The following PRPF8 variants were observed in gnomAD, a reference collection of about 807,000 sequenced individuals.
The protein encoded by PRPF8 is pre-mRNA-processing-splicing factor 8.
Under a neutral mutation model 285.9 loss-of-function variants are expected in PRPF8, and 64 were observed. The observed-to-expected ratio is 0.22, with a 90% CI of 0.18 to 0.28. The LOEUF (loss-of-function observed/expected upper bound fraction) is 0.28. Among genes scored for constraint, PRPF8 ranks in the 10% least tolerant of loss-of-function variants. PRPF8 has a pLI of 1.00. For missense variants in PRPF8, 1,426 were observed against 3,026.7 expected (o/e 0.47, Z 12.41); for synonymous variants, 1,325 against 1,118.2 (o/e 1.18, Z -3.69).
rs746282854 is a variant in PRPF8, at chr17:1,673,608, G to A, written c.3447-41C>T. 5 of 1,613,184 alleles carry A rather than the reference G, an allele frequency of 3.1e-6. No individual in the cohort carries two copies. The East Asian group carries it at 6.7e-5, about 22-fold the overall frequency. On this transcript the variant is annotated intron_variant, in intron 22 of 42. Coordinates refer to ENST00000304992, the MANE Select transcript of PRPF8 (RefSeq NM_006445.4). This position sits in a 1 kb window ranked among gnomAD's most constrained non-coding sequence, Gnocchi z 5.5. Reference sequence around the variant, plus strand: ...ACATGGTCACAGCAGTTTCTTGGAAGGAACTTCCCTTCAAAGGCCAACTGA... The same window carrying A: ...ACATGGTCACAGCAGTTTCTTGGAAAGAACTTCCCTTCAAAGGCCAACTGA...
chr17:1,684,376 C>T, intron 2 of PRPF8, 96 bp downstream of exon 2: 1 of 1,229,244 alleles, frequency 8.1e-7, no homozygotes, highest in Non-Finnish European at 1.2e-6. Context: ...GCTGACACCT[C>T]AGGAGCTGCC....
At chr17:1,681,755 C>G in intron 5 of PRPF8, 65 bp from the exon 6 acceptor site, 1 of 1,609,484 alleles carries the variant, frequency 6.2e-7, no homozygotes, top group Non-Finnish European at 8.5e-7. Flanking sequence ...ACCTACTGAT[C>G]TCCCAGGACT....
intron 39 of PRPF8, chr17:1,652,895 A>G (rs1184567274): frequency 6.2e-6 from 1 of 162,386 alleles, no homozygotes; most frequent in African/African-American, 2.5e-5. Flanking sequence ...CGTTCAAGCA[A>G]CCTCATCCTC....
At position 1,684,491 on chromosome 17, in the gene PRPF8, C is replaced by G; in HGVS notation, c.81G>C (p.Glu27Asp). 1 of 1,612,728 alleles carries G rather than the reference C, an allele frequency of 6.2e-7. No homozygotes were observed. The highest frequency in any genetic ancestry group is 8.5e-7 in the Non-Finnish European group (1 of 1,179,780). ...CCTCACCTTTCTCCTGCAGCTTCTC[C>G]TCCGACATGTAGTCCGGTAGCGGGG... ...PLAPLPDYMS[E>D]EKLQEKARKW... Residue 27 changes from glutamate to aspartate, a missense_variant, in exon 2 of 43, where the codon GAG becomes GAC. Physicochemically the swap from Glu to Asp is conservative, Grantham distance 45. Around this residue, in one of 34 missense-constraint regions of PRPF8, gnomAD observed 72 missense variants for 80.0 expected, o/e 0.90. Transcript: ENST00000304992.
chr17:1,678,656 C>CAA lies in PRPF8; in HGVS notation c.1720-6_1720-5dup, dbSNP rs1174737996. ...TATACTGCAATCCATCTGCCAGCTG[C>CAA]AATACAATTGCCCCATCAGACCTGG... On this transcript the variant is annotated splice_region_variant and splice_polypyrimidine_tract_variant and intron_variant, in intron 12 of 42. Transcript: ENST00000304992. 5.1e-5 allele frequency: 82 copies of CAA among 1,614,114 alleles called. No individual in the cohort carries two copies. The highest frequency in any genetic ancestry group is 6.7e-5 in the Non-Finnish European group (79 of 1,180,058).
Position 1,658,890 on chromosome 17 carries a change from A to C in PRPF8, c.5139-127T>G, listed in dbSNP as rs772858622. The C allele has an allele frequency of 6.5e-5, 54 of 836,688 alleles. No individual in the cohort carries two copies. Among genetic ancestry groups the C allele is most frequent in the Non-Finnish European group, 8.9e-5 (44 of 493,616 alleles). 51.8% of individuals were successfully genotyped at this position (836,688 alleles called of 1,614,324 possible). A position where few individuals can be genotyped will look rare whatever the true frequency, so the allele number is the denominator to read the frequency against. ...CTGACAACACTCTGCTCATGTGTAC[A>C]TACAGGCTGGAGAAGAGAATCAGTG... On this transcript the variant is annotated intron_variant, in intron 32 of 42. Coordinates refer to ENST00000304992, the MANE Select transcript of PRPF8 (RefSeq NM_006445.4). This position sits in a 1 kb window ranked among gnomAD's most constrained non-coding sequence, Gnocchi z 4.1.
intron 28 of PRPF8, 32 bp downstream of exon 28, chr17:1,660,960 TG>T: frequency 6.2e-7 from 1 of 1,613,072 alleles, no homozygotes; most frequent in Non-Finnish European, 8.5e-7. Context: ...CAAAGGGTTG[TG>T]ACAGGTCCCT....
chr17:1,675,142 T>C lies in PRPF8; in HGVS notation c.3060+10A>G, dbSNP rs1182477179. On this transcript the variant is annotated intron_variant, in intron 20 of 42. Transcript: ENST00000304992. This position sits in a 1 kb window ranked among gnomAD's most constrained non-coding sequence, Gnocchi z 6.0. ...ACACACAATTCCATGCTACTGCGCC[T>C]GAGACGCACCTTATAGTTGATGACG... is the stretch of plus-strand genomic sequence containing the variant. 1 of 1,613,064 alleles carries C rather than the reference T, an allele frequency of 6.2e-7. No homozygotes were observed. Among genetic ancestry groups the C allele is most frequent in the Admixed American group, 1.7e-5 (1 of 60,016 alleles).
At chr17:1,664,010 CAA>C (rs1911818501) in intron 24 of PRPF8, among the ~76,000 whole-genome samples, 1 of 152,092 alleles carries the variant, frequency 6.6e-6, no homozygotes, top group Non-Finnish European at 1.5e-5. Context: ...ACCTGAAAGA[CAA>C]TAAACTCACA....
Position 1,651,412 on chromosome 17 carries a change from A to G in PRPF8, c.6650+2T>C. The G allele has an allele frequency of 1.9e-6, 3 of 1,614,044 alleles. No homozygotes were observed. Among genetic ancestry groups the G allele is most frequent in the Non-Finnish European group, 2.5e-6 (3 of 1,180,006 alleles). On this transcript the variant is annotated splice_donor_variant, in intron 41 of 42. Coordinates refer to ENST00000304992, the MANE Select transcript of PRPF8 (RefSeq NM_006445.4). LOFTEE classifies it high-confidence loss of function. The surrounding 1 kb of genome is among the most constrained non-coding windows in gnomAD (Gnocchi z 5.1). ...ACTTCCTCCCAAGGAGCCCAGGCCC[A>G]CCTGCATGTGATGATAATGGTCTTC...
chr17:1,654,669 T>C (rs1307272871), intron 37 of PRPF8: 1 of 173,362 alleles, frequency 5.8e-6, no homozygotes, highest in Admixed American at 5.4e-5. Flanking sequence ...TCTCGCTCTG[T>C]TACCCAGGCT....
chr17:1,660,957 T>C (rs199732661), intron 28 of PRPF8, 36 bp downstream of exon 28: 75 of 1,612,884 alleles, frequency 4.7e-5, no homozygotes, highest in South Asian at 3.2e-4. Context: ...GCTCAAAGGG[T>C]TGTGACAGGT....
In PRPF8 at chr17:1,660,433, T is replaced by G; in HGVS notation, c.4784A>C (p.Gln1595Pro). 6.2e-7 allele frequency: 1 copy of G among 1,614,112 alleles called. No homozygotes were observed. The change falls in exon 30 of 43, where the codon CAG (glutamine) becomes CCG (proline). Residue 1595 changes from glutamine (Q) to proline (P), a missense_variant and splice_region_variant. Around this residue, in one of 34 missense-constraint regions of PRPF8, gnomAD observed 21 missense variants for 16.5 expected, o/e 1.27. Coordinates refer to ENST00000304992, the MANE Select transcript of PRPF8 (RefSeq NM_006445.4). ...CCTCTCCCCTCGATTCCAGCCCACCTGACATAAGTCCATAACAATGCTCTC... is the reference window on the plus strand; with the variant it reads ...CCTCTCCCCTCGATTCCAGCCCACCGGACATAAGTCCATAACAATGCTCTC... ...IHESIVMDLC[Q>P]VFDQELDALE...
rs1180651709 is a variant in PRPF8, at chr17:1,676,963, A to G, written c.2181+13T>C. On this transcript the variant is annotated intron_variant, in intron 15 of 42. Coordinates refer to ENST00000304992, the MANE Select transcript of PRPF8 (RefSeq NM_006445.4). The surrounding 1 kb of genome is among the most constrained non-coding windows in gnomAD (Gnocchi z 6.3). ...GGATGTTTACGCCTCCAAGGAAATA[A>G]AGAGACACCCACCTTCCAGGGAATG... 1.2e-6 allele frequency: 2 copies of G among 1,613,222 alleles called. No individual in the cohort carries two copies. Among genetic ancestry groups the G allele is most frequent in the Non-Finnish European group, 1.7e-6 (2 of 1,179,968 alleles).
In PRPF8 at chr17:1,673,428, T is replaced by A. The variant is rs1274754844; in HGVS notation, c.3586A>T (p.Ile1196Phe). ...LFNMCGFECR[I>F]LPKCRTSYEE... is the part of the protein sequence containing the mutation. Reference sequence around the variant, plus strand: ...TAGCTGGTGCGGCACTTAGGCAGGATGCGGCACTCGAAGCCACACATGTTG... The same window carrying A: ...TAGCTGGTGCGGCACTTAGGCAGGAAGCGGCACTCGAAGCCACACATGTTG... The change falls in exon 23 of 43, where the codon ATC (isoleucine) becomes TTC (phenylalanine). Residue 1196 changes from isoleucine (I) to phenylalanine (F), a missense_variant. Physicochemically the swap from Ile to Phe is conservative, Grantham distance 21. Coordinates refer to ENST00000304992, the MANE Select transcript of PRPF8 (RefSeq NM_006445.4). The surrounding 1 kb of genome is among the most constrained non-coding windows in gnomAD (Gnocchi z 5.5). 6.2e-7 allele frequency: 1 copy of A among 1,614,164 alleles called. No individual in the cohort carries two copies. The highest frequency in any genetic ancestry group is 1.7e-5 in the Admixed American group (1 of 60,010).
chr17:1,675,398 C>T lies in PRPF8; in HGVS notation c.2873-59G>A. 1.3e-6 allele frequency: 2 copies of T among 1,582,018 alleles called. No homozygotes were observed. Among genetic ancestry groups the T allele is most frequent in the Non-Finnish European group, 1.7e-6 (2 of 1,152,314 alleles). On this transcript the variant is annotated intron_variant, in intron 19 of 42. Coordinates refer to ENST00000304992, the MANE Select transcript of PRPF8 (RefSeq NM_006445.4). The surrounding 1 kb of genome is among the most constrained non-coding windows in gnomAD (Gnocchi z 6.0). ...AGAAATCCTCTTGCAAGACTAGCCC[C>T]ACAGGAACTATCATTACCTTCCATA... is the stretch of plus-strand genomic sequence containing the variant.
intron 37 of PRPF8, chr17:1,654,929 C>T (rs1189058245): frequency 2.7e-5 from 6 of 225,536 alleles, no homozygotes; most frequent in South Asian, 2.4e-4. Flanking sequence ...TCAAGCCTGG[C>T]TAAGACAAGA....
chr17:1,652,022 C>T (rs1248930405), intron 39 of PRPF8: 4 of 617,230 alleles, frequency 6.5e-6, no homozygotes, highest in Non-Finnish European at 1.2e-5. Flanking sequence ...ATCTGCACTG[C>T]TCACAAGCTC....
chr17:1,676,714 A>G lies in PRPF8; in HGVS notation c.2182-3T>C, dbSNP rs368609533. On this transcript the variant is annotated splice_region_variant and splice_polypyrimidine_tract_variant and intron_variant, in intron 15 of 42. Coordinates refer to ENST00000304992, the MANE Select transcript of PRPF8 (RefSeq NM_006445.4). This position sits in a 1 kb window ranked among gnomAD's most constrained non-coding sequence, Gnocchi z 6.3. ...ATGGGCGTCGGCAGCCCAGGGACCTAAAAGTCCAAAAAGCACAATCAAGCC... is the reference window on the plus strand; with the variant it reads ...ATGGGCGTCGGCAGCCCAGGGACCTGAAAGTCCAAAAAGCACAATCAAGCC... 3.5e-5 allele frequency: 56 copies of G among 1,613,714 alleles called. 2 individuals are homozygous for G. The highest frequency in any genetic ancestry group is 2.4e-4 in the African/African-American group (18 of 75,014).
Sources: allele counts gnomAD v4.1 joint callset (sites outside exome capture counted in the v4.1 genomes callset), GRCh38; gene constraint gnomAD v4.1.1; regional missense constraint gnomAD v4.1.1; non-coding constraint Gnocchi (gnomAD v3.1); transcripts MANE v1.5; gene names NCBI Gene and HGNC (gene_info 2026-07-23, HGNC 2026-07-21).